Variants in TRPC1 observed in about 807,000 individuals in gnomAD.
The protein encoded by TRPC1 is transient receptor potential cation channel subfamily C member 1.
A neutral mutation model predicts 88.2 loss-of-function variants in TRPC1; 42 were observed. That is an observed-to-expected ratio of 0.48 (90% CI 0.37 to 0.62). TRPC1 has a LOEUF of 0.62. Ranked by LOEUF, TRPC1 falls within the 20% of genes least tolerant of loss-of-function variation. TRPC1 has a pLI of 0.00. For synonymous variants in TRPC1, 288 were observed against 331.8 expected (o/e 0.87, Z 1.43); for missense variants, 699 against 957.3 (o/e 0.73, Z 3.56).
chr3:142,724,814 G>A lies in TRPC1; in HGVS notation c.172+83G>A. 3 of 1,417,060 alleles carry A rather than the reference G, an allele frequency of 2.1e-6. No individual in the cohort carries two copies. The highest frequency in any genetic ancestry group is 1.9e-6 in the Non-Finnish European group (2 of 1,075,764). 87.8% of individuals were successfully genotyped at this position (1,417,060 alleles called of 1,614,324 possible). On this transcript the variant is annotated intron_variant, in intron 1 of 12. Transcript: ENST00000476941. This position sits in a 1 kb window ranked among gnomAD's most constrained non-coding sequence, Gnocchi z 5.6. ...CTCCCCCGCCTCAACTTATATCGGG[G>A]CATTCCCTCTGTCTCAGGCGCCGAG...
intron 9 of TRPC1, chr3:142,801,382 T>C (rs1442501583): frequency 6.6e-6 from 1 of 152,206 alleles, no homozygotes; most frequent in Non-Finnish European, 1.5e-5. Flanking sequence ...TGCATCTTTG[T>C]GTACTTCCTA....
chr3:142,798,160 A>G (rs1936508222), intron 9 of TRPC1, among the ~76,000 whole-genome samples: 1 of 152,162 alleles, frequency 6.6e-6, no homozygotes, highest in African/African-American at 2.4e-5. Flanking sequence ...AATGACATGC[A>G]GATGAGTCTG....
Position 142,807,061 on chromosome 3 carries a change from A to AT in TRPC1, c.*833dup, listed in dbSNP as rs1936816514. The AT allele has an allele frequency of 6.6e-6, 1 of 151,400 alleles. No homozygotes were observed. The highest frequency in any genetic ancestry group is 2.1e-4 in the South Asian group (1 of 4,794). 9.4% of individuals were successfully genotyped at this position (151,400 alleles called of 1,614,324 possible). A position where few individuals can be genotyped will look rare whatever the true frequency, so the allele number is the denominator to read the frequency against. On this transcript the variant is annotated 3_prime_UTR_variant, in exon 13 of 13. Transcript: ENST00000476941. ...ACTTCTCGACATTTGGTTTGTTTTA[A>AT]TTTTTTTGTATCATAATAGTCCTAT...
chr3:142,803,949 T>C (rs1262124123), intron 10 of TRPC1, 28 bp from the exon 11 acceptor site: 1 of 1,601,774 alleles, frequency 6.2e-7, no homozygotes, highest in South Asian at 1.1e-5. Flanking sequence ...TAATTGCCTT[T>C]TAAACAGAAA....
intron 2 of TRPC1, among the ~76,000 whole-genome samples, chr3:142,740,138 C>T (rs1344703089): frequency 6.6e-6 from 1 of 152,256 alleles, no homozygotes; most frequent in African/African-American, 2.4e-5. Flanking sequence ...CCTACCTGCT[C>T]TATGAAACCA....
At chr3:142,745,512 C>T (rs1001537880) in intron 3 of TRPC1, among the ~76,000 whole-genome samples, 1 of 152,030 alleles carries the variant, frequency 6.6e-6, no homozygotes, top group African/African-American at 2.4e-5. Flanking sequence ...GGCGTGGTGC[C>T]GTGCACCTGT....
At chr3:142,730,108 G>A (rs1022493871) in intron 1 of TRPC1, among the ~76,000 whole-genome samples, 1 of 152,098 alleles carries the variant, frequency 6.6e-6, no homozygotes, top group Admixed American at 6.5e-5. Flanking sequence ...CTGAGACTGT[G>A]TTGCAACAAC....
intron 9 of TRPC1, chr3:142,793,856 T>C (rs1403442648): frequency 4.1e-6 from 4 of 985,038 alleles, no homozygotes; most frequent in East Asian, 1.1e-4. Context: ...GAAAATAAAA[T>C]ATATAGGAAA....
intron 2 of TRPC1, among the ~76,000 whole-genome samples, chr3:142,743,068 T>C (rs1346157724): frequency 6.6e-6 from 1 of 152,176 alleles, no homozygotes; most frequent in East Asian, 1.9e-4. Context: ...TCATTTTCAT[T>C]AGACTGAAAA....
chr3:142,804,725 GCTGTGA>G lies in TRPC1; in HGVS notation c.2154+100_2154+105del, dbSNP rs1936731503. On this transcript the variant is annotated intron_variant, in intron 12 of 12. Coordinates refer to ENST00000476941, the MANE Select transcript of TRPC1 (RefSeq NM_001251845.2). ...GCGTAAGTATGCAGGTTCCCTAAGG[GCTGTGA>G]CTGTCTGACTTTTTTTCACTGCTAT... The G allele has an allele frequency of 5.8e-6, 7 of 1,217,220 alleles. No individual in the cohort carries two copies. In the East Asian group the frequency reaches 1.8e-4, roughly 31 times the overall value. The allele number at this position is 1,217,220 out of a possible 1,614,324, so 75.4% of individuals were successfully genotyped here. A position where few individuals can be genotyped will look rare whatever the true frequency, so the allele number is the denominator to read the frequency against.
chr3:142,733,823 A>G (rs988833345), intron 1 of TRPC1, among the ~76,000 whole-genome samples: 5 of 152,246 alleles, frequency 3.3e-5, no homozygotes, highest in African/African-American at 1.2e-4. Context: ...CAACCAAGAT[A>G]CAAAAGTGAA....
intron 1 of TRPC1, among the ~76,000 whole-genome samples, chr3:142,731,374 A>ATTTTTTTTTTTTTTTTTTTTTT: frequency 1.3e-5 from 1 of 79,524 alleles, no homozygotes; most frequent in African/African-American, 5.1e-5. Context: ...ATATGTTTTG[A>ATTTTTTTTTTTTTTTTTTTTTT]TTTTTTTTTT....
chr3:142,725,327 C>G (rs891654937), intron 1 of TRPC1, among the ~76,000 whole-genome samples: 2 of 152,208 alleles, frequency 1.3e-5, no homozygotes, highest in African/African-American at 4.8e-5. Flanking sequence ...GGAAGAAATT[C>G]TGCCTTAGTT....
chr3:142,777,395 A>G (rs1482870864), intron 4 of TRPC1, among the ~76,000 whole-genome samples: 1 of 152,184 alleles, frequency 6.6e-6, no homozygotes, highest in Non-Finnish European at 1.5e-5. Flanking sequence ...TGAATCTATG[A>G]AAAGAGACAG....
intron 4 of TRPC1, among the ~76,000 whole-genome samples, chr3:142,771,832 ATATT>A (rs1271737086): frequency 1.3e-5 from 2 of 152,088 alleles, no homozygotes; most frequent in Non-Finnish European, 2.9e-5. Flanking sequence ...ACTTGCTTTT[ATATT>A]TATTGTAAGG....
Position 142,792,885 on chromosome 3 carries a change from G to C in TRPC1, c.1499G>C (p.Gly500Ala). 1 of 1,609,684 alleles carries C rather than the reference G, an allele frequency of 6.2e-7. No homozygotes were observed. Among genetic ancestry groups the C allele is most frequent in the Non-Finnish European group, 8.5e-7 (1 of 1,177,578 alleles). The change falls in exon 9 of 13, where the codon GGG becomes GCG. Residue 500 changes from glycine to alanine, a missense_variant. Around this residue, in one of 4 missense-constraint regions of TRPC1, gnomAD observed 426 missense variants for 641.3 expected, o/e 0.66. Transcript: ENST00000476941. The surrounding 1 kb of genome is among the most constrained non-coding windows in gnomAD (Gnocchi z 4.0). ...DAFHPTLVAE[G>A]LFAFANVLSY... Reference sequence around the variant, plus strand: ...TTCCATCCTACACTGGTGGCAGAAGGGCTTTTTGCATTTGCAAATGTTCTA... The same window carrying C: ...TTCCATCCTACACTGGTGGCAGAAGCGCTTTTTGCATTTGCAAATGTTCTA...
chr3:142,735,316 G>C (rs1413477016), intron 1 of TRPC1, among the ~76,000 whole-genome samples: 1 of 152,030 alleles, frequency 6.6e-6, no homozygotes, highest in Non-Finnish European at 1.5e-5. Flanking sequence ...CCCAGTTTCA[G>C]TATTTTCTTT....
At chr3:142,750,003 T>C (rs1174078838) in intron 4 of TRPC1, among the ~76,000 whole-genome samples, 1 of 152,166 alleles carries the variant, frequency 6.6e-6, no homozygotes, top group African/African-American at 2.4e-5. Context: ...ATTCAGGACA[T>C]AGGCATGGGC....
In TRPC1 at chr3:142,776,085, C is replaced by T. The variant is rs1312516278; in HGVS notation, c.633-1547C>T. 1.3e-5 allele frequency among the ~76,000 whole-genome samples: 2 copies of T among 152,160 alleles called. No homozygotes were observed. The highest frequency in any genetic ancestry group is 2.4e-5 in the African/African-American group (1 of 41,438). ...CATTAATGGAGAGCTTATAGACCTCCGTCCAGTTGTATGAGATGAATCTGT... is the reference window on the plus strand; with the variant it reads ...CATTAATGGAGAGCTTATAGACCTCTGTCCAGTTGTATGAGATGAATCTGT... On this transcript the variant is annotated intron_variant, in intron 4 of 12. Transcript: ENST00000476941. The surrounding 1 kb of genome is among the most constrained non-coding windows in gnomAD (Gnocchi z 4.1).
Sources: allele counts gnomAD v4.1 joint callset (sites outside exome capture counted in the v4.1 genomes callset), GRCh38; gene constraint gnomAD v4.1.1; regional missense constraint gnomAD v4.1.1; non-coding constraint Gnocchi (gnomAD v3.1); transcripts MANE v1.5; gene names NCBI Gene and HGNC (gene_info 2026-07-23, HGNC 2026-07-21).